The following VWDE variants were observed in gnomAD, a reference collection of about 807,000 sequenced individuals.
The protein encoded by VWDE is von Willebrand factor D and EGF domains, also known as von Willebrand factor D and EGF domain-containing protein.
In VWDE, 207 loss-of-function variants were observed where a neutral mutation model predicts 178.4. That is an observed-to-expected ratio of 1.16 (90% confidence interval 1.04 to 1.30). VWDE has a LOEUF of 1.30. VWDE is among the 50% of genes most tolerant of loss of function. The pLI, the probability that VWDE is intolerant of heterozygous loss-of-function variation, is 0.00. For synonymous variants in VWDE, 738 were observed against 651.4 expected (o/e 1.13, Z -2.02); for missense variants, 2,287 against 1,901.3 (o/e 1.20, Z -3.77).
chr7:12,336,029 C>T, intron 27 of VWDE, 112 bp downstream of exon 27: 1 of 821,010 alleles, frequency 1.2e-6, no homozygotes, highest in East Asian at 3.1e-5. Flanking sequence ...TAAAAAGGAT[C>T]AGCATGCTGG....
In VWDE at chr7:12,369,605, T is replaced by G; in HGVS notation, c.2701A>C (p.Met901Leu). 6.4e-7 allele frequency: 1 copy of G among 1,551,282 alleles called. No individual in the cohort carries two copies. Residue 901 changes from methionine (M) to leucine (L), a missense_variant, in exon 12 of 29, where the codon ATG becomes CTG. By Grantham distance (15) the Met-to-Leu change is conservative. Coordinates refer to ENST00000275358, the MANE Select transcript of VWDE (RefSeq NM_001135924.3). ...PNLCSGNGQC[M>L]EWGCACSPSF... ...GGGGAACACGCACACCCCCATTCCA[T>G]GCACTGCCCATTGCCGCTGCATAAA...
intron 1 of VWDE, among the ~76,000 whole-genome samples, chr7:12,402,755 T>G (rs575481287): frequency 6.6e-6 from 1 of 152,328 alleles, no homozygotes; most frequent in South Asian, 2.1e-4. Context: ...TTTTAAGTTT[T>G]GTATAGGATA....
chr7:12,332,991 G>A (rs562420251), intron 28 of VWDE, among the ~76,000 whole-genome samples: 13 of 152,312 alleles, frequency 8.5e-5, no homozygotes, highest in Admixed American at 7.8e-4. Flanking sequence ...ATGAGAGAGA[G>A]AGAGATTATT....
intron 1 of VWDE, 59 bp downstream of exon 1, chr7:12,403,600 C>T: frequency 2.0e-6 from 3 of 1,497,572 alleles, no homozygotes; most frequent in Admixed American, 4.1e-5. Flanking sequence ...TAGCCTAGTC[C>T]CTCTACCGCC....
In VWDE at chr7:12,343,122, T is replaced by G; in HGVS notation, c.4135A>C (p.Thr1379Pro). ...GGTCLAGNLCTCPYGFVGPRC... is the reference protein window; with the variant it reads ...GGTCLAGNLCPCPYGFVGPRC... Reference sequence around the variant, plus strand: ...GGTCCTACAAAACCATAAGGACAAGTGCAGAGATTCCCAGCCAAGCATGTG... The same window carrying G: ...GGTCCTACAAAACCATAAGGACAAGGGCAGAGATTCCCAGCCAAGCATGTG... The change falls in exon 22 of 29, where the codon ACT becomes CCT. Residue 1379 changes from threonine to proline, a missense_variant. Thr to Pro is a conservative substitution (Grantham distance 38). Coordinates refer to ENST00000275358, the MANE Select transcript of VWDE (RefSeq NM_001135924.3). 6.5e-7 allele frequency: 1 copy of G among 1,550,090 alleles called. No individual in the cohort carries two copies. The highest frequency in any genetic ancestry group is 8.7e-7 in the Non-Finnish European group (1 of 1,145,860).
intron 5 of VWDE, among the ~76,000 whole-genome samples, chr7:12,380,170 T>G (rs1783765487): frequency 6.6e-6 from 1 of 151,498 alleles, no homozygotes; most frequent in South Asian, 2.1e-4. Flanking sequence ...TTTTCTAGAA[T>G]AAACGTATAT....
intron 15 of VWDE, among the ~76,000 whole-genome samples, chr7:12,360,112 T>G (rs1289012955): frequency 6.6e-6 from 1 of 152,170 alleles, no homozygotes. Flanking sequence ...CCCACTGTGT[T>G]CTGTGAACAC....
chr7:12,344,168 T>C (rs1166146686), intron 21 of VWDE, 27 bp downstream of exon 21: 1 of 1,539,442 alleles, frequency 6.5e-7, no homozygotes, highest in East Asian at 2.5e-5. Context: ...TTAGGCCTTA[T>C]ATTTGATTTT....
chr7:12,351,580 A>C lies in VWDE; in HGVS notation c.3879T>G (p.Asn1293Lys). The change falls in exon 19 of 29, where the codon AAT becomes AAG. Residue 1293 changes from asparagine to lysine, a missense_variant. Transcript: ENST00000275358. Reference protein sequence around the residue: ...RKRHVKPTSGNAFTICKYPCG... With the variant: ...RKRHVKPTSGKAFTICKYPCG... ...ACTATGACCATTACTTACTGAAGGC[A>C]TTTCCACTTGTTGGCTTAACATGCC... 6.5e-7 allele frequency: 1 copy of C among 1,547,754 alleles called. No individual in the cohort carries two copies. The highest frequency in any genetic ancestry group is 8.7e-7 in the Non-Finnish European group (1 of 1,145,618).
chr7:12,403,029 T>A (rs191550062), intron 1 of VWDE, among the ~76,000 whole-genome samples: 156 of 152,290 alleles, frequency 1.0e-3, no homozygotes, highest in African/African-American at 3.6e-3. Context: ...GTAGTTTTGG[T>A]TTAACTTCAC....
Position 12,337,239 on chromosome 7 carries a change from T to C in VWDE, c.4400A>G (p.His1467Arg), listed in dbSNP as rs1781092497. 6.4e-7 allele frequency: 1 copy of C among 1,551,972 alleles called. No individual in the cohort carries two copies. Among genetic ancestry groups the C allele is most frequent in the East Asian group, 2.4e-5 (1 of 40,920 alleles). Residue 1467 changes from histidine (H) to arginine (R), a missense_variant, in exon 25 of 29, where the codon CAC becomes CGC. Physicochemically the swap from His to Arg is conservative, Grantham distance 29. Transcript: ENST00000275358. ...GACGCACACATTATTTCTCATGCAG[T>C]GGCCACCATTCTTACAGGGAGGGTG... ...FCHPPCKNGGHCMRNNVCVCR... is the reference protein window; with the variant it reads ...FCHPPCKNGGRCMRNNVCVCR...
chr7:12,346,244 G>A (rs1421819884), intron 19 of VWDE, among the ~76,000 whole-genome samples: 2 of 152,100 alleles, frequency 1.3e-5, no homozygotes, highest in East Asian at 1.9e-4. Context: ...ACAAACACCT[G>A]TTGATCACCT....
intron 27 of VWDE, among the ~76,000 whole-genome samples, chr7:12,334,783 T>A (rs886362965): frequency 9.2e-5 from 14 of 152,210 alleles, no homozygotes; most frequent in African/African-American, 3.1e-4. Context: ...CCCATTAATA[T>A]GCTTTTAACA....
At chr7:12,366,395 G>C (rs774148311) in intron 13 of VWDE, among the ~76,000 whole-genome samples, 1 of 151,834 alleles carries the variant, frequency 6.6e-6, no homozygotes, top group African/African-American at 2.4e-5. Flanking sequence ...TACAAAATTC[G>C]CTCCTGGCAC....
At chr7:12,373,453 G>A (rs1219707206) in intron 9 of VWDE, among the ~76,000 whole-genome samples, 1 of 152,068 alleles carries the variant, frequency 6.6e-6, no homozygotes, top group Non-Finnish European at 1.5e-5. Context: ...GAGCAGGGCA[G>A]GCTGGCTCAA....
chr7:12,355,622 A>G (rs965734563), intron 18 of VWDE, among the ~76,000 whole-genome samples: 2 of 152,142 alleles, frequency 1.3e-5, no homozygotes, highest in African/African-American at 4.8e-5. Context: ...TGGCAGTCAT[A>G]TATTTATTTC....
chr7:12,334,638 A>T (rs1780914126), intron 27 of VWDE, among the ~76,000 whole-genome samples: 1 of 152,214 alleles, frequency 6.6e-6, no homozygotes, highest in South Asian at 2.1e-4. Context: ...ACAATTTCTC[A>T]ATAGTTTGAA....
At chr7:12,368,657 T>C (rs1234168772) in intron 12 of VWDE, among the ~76,000 whole-genome samples, 1 of 152,146 alleles carries the variant, frequency 6.6e-6, no homozygotes, top group Non-Finnish European at 1.5e-5. Flanking sequence ...CTGAAGGAGA[T>C]GGAGAGCCAT....
In VWDE at chr7:12,389,177, G is replaced by C. The variant is rs848016; in HGVS notation, c.425C>G (p.Ser142Cys). The C allele has an allele frequency of 3.9e-6, 6 of 1,551,786 alleles. No individual in the cohort carries two copies. The highest frequency in any genetic ancestry group is 5.2e-6 in the Non-Finnish European group (6 of 1,146,976). ...PVSVRNCGNF[S>C]VYLLQPTQGC... ...CTGAGTTGGTTGTAGTAAGTATACAGAAAAGTTCCCACAGTTTCTTACAGA... is the reference window on the plus strand; with the variant it reads ...CTGAGTTGGTTGTAGTAAGTATACACAAAAGTTCCCACAGTTTCTTACAGA... The change falls in exon 3 of 29, where the codon TCT becomes TGT. Residue 142 changes from serine (S) to cysteine (C), a missense_variant. Ser to Cys is a moderately radical substitution (Grantham distance 112). Transcript: ENST00000275358.
Sources: gnomAD v4.1 joint callset for allele counts (sites outside exome capture counted in the v4.1 genomes callset) on GRCh38, gnomAD v4.1.1 for gene constraint, MANE v1.5 for transcripts, NCBI Gene and HGNC (gene_info 2026-07-23, HGNC 2026-07-21) for gene names.